PRKG1: variants seen among roughly 807,000 people sequenced by gnomAD.
PRKG1 encodes the protein protein kinase cGMP-dependent 1, also known as cGMP-dependent protein kinase 1.
PRKG1 carries 35 observed loss-of-function variants against 88.1 expected under a neutral mutation model. The observed-to-expected ratio is 0.40, with a 90% CI of 0.30 to 0.53. The LOEUF (loss-of-function observed/expected upper bound fraction) is 0.53, where lower values mean the gene tolerates loss of function less well. Ranked by LOEUF, PRKG1 falls within the 20% of genes least tolerant of loss-of-function variation. PRKG1 has a pLI of 0.59. For synonymous variants in PRKG1, 303 were observed against 292.5 expected, an observed-to-expected ratio of 1.04 and a Z score of -0.37; for missense variants, 540 against 839.8, an observed-to-expected ratio of 0.64 and a Z score of 4.41.
intron 3 of PRKG1, among the ~76,000 whole-genome samples, chr10:51,646,536 T>C (rs1724285550): frequency 6.6e-6 from 1 of 152,132 alleles, no homozygotes; most frequent in African/African-American, 2.4e-5. Flanking sequence ...TGTTGATATA[T>C]ATTTACGTAT....
chr10:51,173,109 T>A lies in PRKG1; in HGVS notation c.478+19779T>A, dbSNP rs9414854. Among the ~76,000 whole-genome samples, 1,427 of 152,160 alleles carry A rather than the reference T, an allele frequency of 9.4e-3. 33 individuals are homozygous for A. Among genetic ancestry groups the A allele is most frequent in the African/African-American group, 0.032 (1,345 of 41,554 alleles). On this transcript the variant is annotated intron_variant, in intron 2 of 17. Transcript: ENST00000373980. The stretch of plus-strand genomic sequence containing the variant: ...TAAAAACATATCACATACACAAAAC[T>A]TTATTTAATTCTTTTCACATCTAGA...
chr10:51,103,144 A>G (rs74399468), intron 1 of PRKG1, among the ~76,000 whole-genome samples: 8 of 151,442 alleles, frequency 5.3e-5, no homozygotes, highest in African/African-American at 1.9e-4. Context: ...TAAAAAAAAA[A>G]TAGTTAGAAA....
chr10:51,000,992 G>T (rs1206460597), intron 1 of PRKG1, among the ~76,000 whole-genome samples: 1 of 152,216 alleles, frequency 6.6e-6, no homozygotes, highest in Non-Finnish European at 1.5e-5. Context: ...TTGCTGTGGG[G>T]ACATAGAGTT....
intron 2 of PRKG1, among the ~76,000 whole-genome samples, chr10:51,164,227 A>G (rs1846460634): frequency 6.6e-6 from 1 of 152,184 alleles, no homozygotes; most frequent in Admixed American, 6.5e-5. Context: ...AGACAGCAGC[A>G]TTCACGGTTC....
chr10:51,985,730 T>C lies in PRKG1; in HGVS notation c.763-68754T>C, dbSNP rs985432262. ...CTTTAAATTTAAAATGTATTGGTAA[T>C]ATAAAGGCTACCTTAAGGAAGTATT... On this transcript the variant is annotated intron_variant, in intron 5 of 17. Coordinates refer to ENST00000373980, the MANE Select transcript of PRKG1 (RefSeq NM_006258.4). Among the ~76,000 whole-genome samples the C allele has an allele frequency of 4.6e-4, 70 of 152,184 alleles. 1 individual carries two copies. Among genetic ancestry groups the C allele is most frequent in the African/African-American group, 1.5e-3 (64 of 41,432 alleles).
intron 8 of PRKG1, among the ~76,000 whole-genome samples, chr10:52,136,053 C>A (rs1417570993): frequency 1.3e-5 from 2 of 151,920 alleles, no homozygotes; most frequent in Non-Finnish European, 2.9e-5. Context: ...GTGTTACAAG[C>A]TGAGAGGCAT....
intron 10 of PRKG1, among the ~76,000 whole-genome samples, chr10:52,264,009 G>A (rs1384650369): frequency 6.6e-6 from 1 of 152,058 alleles, no homozygotes; most frequent in Non-Finnish European, 1.5e-5. Flanking sequence ...GTTATTTAAT[G>A]TATAGTAACT....
chr10:51,082,750 G>A (rs995860575), intron 1 of PRKG1, among the ~76,000 whole-genome samples: 1 of 151,894 alleles, frequency 6.6e-6, no homozygotes, highest in Admixed American at 6.6e-5. Flanking sequence ...TGTACGTGTA[G>A]ACAAATTGTA....
intron 7 of PRKG1, among the ~76,000 whole-genome samples, chr10:52,064,081 C>A (rs74981134): frequency 0.16 from 24,445 of 152,162 alleles, 2,397 homozygotes; most frequent in East Asian, 0.26. Flanking sequence ...GAAGGTGGGG[C>A]CTTAATGGGG....
At chr10:51,607,259 G>A (rs1838790694) in intron 3 of PRKG1, among the ~76,000 whole-genome samples, 1 of 152,192 alleles carries the variant, frequency 6.6e-6, no homozygotes, top group African/African-American at 2.4e-5. Flanking sequence ...CAGAGAGGTA[G>A]TTAATTTTTT....
At chr10:51,569,659 C>A (rs1368845400) in intron 3 of PRKG1, among the ~76,000 whole-genome samples, 1 of 151,888 alleles carries the variant, frequency 6.6e-6, no homozygotes, top group Non-Finnish European at 1.5e-5. Context: ...GGTCACTAAG[C>A]TAGGAAATGG....
chr10:51,387,240 G>C (rs1028531445), intron 2 of PRKG1, among the ~76,000 whole-genome samples: 1 of 151,544 alleles, frequency 6.6e-6, no homozygotes, highest in Non-Finnish European at 1.5e-5. Flanking sequence ...CAGGGCCCGT[G>C]GTCAAGGGGG....
rs1243329918 is a variant in PRKG1, at chr10:51,999,052, T to C, written c.763-55432T>C. On this transcript the variant is annotated intron_variant, in intron 5 of 17. Coordinates refer to ENST00000373980, the MANE Select transcript of PRKG1 (RefSeq NM_006258.4). ...AAAGTCACCTGTTTCCTCACCTCTGTTTTTTGGGGTTTAGGGGAGCTTTTC... is the reference window on the plus strand; with the variant it reads ...AAAGTCACCTGTTTCCTCACCTCTGCTTTTTGGGGTTTAGGGGAGCTTTTC... Among the ~76,000 whole-genome samples, 4 of 152,110 alleles carry C rather than the reference T, an allele frequency of 2.6e-5. No homozygotes were observed. In the East Asian group the frequency reaches 5.8e-4, roughly 22 times the overall value.
chr10:52,065,874 C>T (rs1484220168), intron 7 of PRKG1, among the ~76,000 whole-genome samples: 6 of 152,132 alleles, frequency 3.9e-5, no homozygotes, highest in Non-Finnish European at 7.4e-5. Flanking sequence ...CACCTGATTT[C>T]ATTGGTCCAA....
intron 6 of PRKG1, 126 bp from the exon 7 acceptor site, chr10:52,062,411 T>C: frequency 1.8e-6 from 1 of 552,216 alleles, no homozygotes; most frequent in South Asian, 4.2e-5. Flanking sequence ...TTGGTGGTAA[T>C]TTAAATGCTT....
intron 4 of PRKG1, among the ~76,000 whole-genome samples, chr10:51,830,528 T>C (rs1839976750): frequency 6.6e-6 from 1 of 151,776 alleles, no homozygotes; most frequent in African/African-American, 2.4e-5. Flanking sequence ...TATAATTACT[T>C]ATTGAACTTC....
At chr10:51,837,686 C>T (rs1469736685) in intron 4 of PRKG1, among the ~76,000 whole-genome samples, 2 of 152,126 alleles carry the variant, frequency 1.3e-5, no homozygotes, top group Admixed American at 6.6e-5. Context: ...TCTCCAGTAG[C>T]ATTTACCACA....
At chr10:51,769,918 T>C (rs1838259988) in intron 3 of PRKG1, among the ~76,000 whole-genome samples, 3 of 152,264 alleles carry the variant, frequency 2.0e-5, no homozygotes. Flanking sequence ...AATGAATTTA[T>C]GTGGAGCCAC....
chr10:51,974,458 A>G (rs180900915), intron 5 of PRKG1, among the ~76,000 whole-genome samples: 1 of 152,206 alleles, frequency 6.6e-6, no homozygotes, highest in African/African-American at 2.4e-5. Flanking sequence ...TCACCTGTCA[A>G]AGTCCAAACT....
Sources: gnomAD v4.1 joint callset for allele counts (sites outside exome capture counted in the v4.1 genomes callset) on GRCh38, gnomAD v4.1.1 for gene constraint, MANE v1.5 for transcripts, NCBI Gene and HGNC (gene_info 2026-07-23, HGNC 2026-07-21) for gene names.